ZNF91: variants seen among roughly 807,000 people sequenced by gnomAD.
ZNF91 encodes the protein zinc finger protein 91 (HPF7, HTF10).
In ZNF91, 7 loss-of-function variants were observed where a neutral mutation model predicts 12.6. The ratio of observed to expected loss-of-function variants is 0.55; its 90% CI spans 0.31 to 1.04. ZNF91 has a LOEUF of 1.04. ZNF91 is among the 50% of genes least tolerant of loss of function. The probability of loss-of-function intolerance (pLI) is 0.05; values close to 1 mark genes in which losing one functional copy is unlikely to be tolerated. For synonymous variants in ZNF91, 453 were observed against 462.6 expected (o/e 0.98, Z 0.27); for missense variants, 1,217 against 1,385.4 (o/e 0.88, Z 1.93).
Position 23,379,935 on chromosome 19 carries a change from C to T in ZNF91, c.31-5171G>A, listed in dbSNP as rs563823914. Among the ~76,000 whole-genome samples, 74 of 152,150 alleles carry T rather than the reference C, an allele frequency of 4.9e-4. No individual in the cohort carries two copies. The South Asian group carries it at 0.011, about 23-fold the overall frequency. On this transcript the variant is annotated intron_variant, in intron 1 of 3. Transcript: ENST00000300619. ...TCACATCTTAGATGAACGACAATTG[C>T]CACAGCAGCACTTTAGTGTCACATC...
intron 3 of ZNF91, among the ~76,000 whole-genome samples, chr19:23,305,487 G>A (rs1273767509): frequency 2.6e-5 from 4 of 152,126 alleles, no homozygotes; most frequent in Non-Finnish European, 1.5e-5. Context: ...CTCATTCTAG[G>A]TGATTTCAAT....
intron 1 of ZNF91, among the ~76,000 whole-genome samples, chr19:23,395,118 A>T (rs890621621): frequency 6.6e-6 from 1 of 152,158 alleles, no homozygotes; most frequent in African/African-American, 2.4e-5. Context: ...GTCACTGGGC[A>T]GGGAAGAGAC....
chr19:23,373,424 T>A (rs112902866), intron 3 of ZNF91, among the ~76,000 whole-genome samples: 109 of 146,224 alleles, frequency 7.5e-4, no homozygotes, highest in African/African-American at 2.5e-3. Flanking sequence ...AACTAATGAA[T>A]ACACTCAGTT....
chr19:23,342,923 T>TA (rs1436845746), intron 3 of ZNF91, among the ~76,000 whole-genome samples: 1 of 152,192 alleles, frequency 6.6e-6, no homozygotes, highest in Non-Finnish European at 1.5e-5. Context: ...CACACATATT[T>TA]AGCAAATGGC....
At chr19:23,334,358 T>A (rs1311693599), downstream of ZNF91, among the ~76,000 whole-genome samples, 3 of 152,198 alleles carry the variant, frequency 2.0e-5, no homozygotes, top group Non-Finnish European at 4.4e-5. Flanking sequence ...GGCTGTAATG[T>A]GAGCAGCTCT....
intron 1 of ZNF91, among the ~76,000 whole-genome samples, chr19:23,321,274 G>T (rs1227705585): frequency 6.6e-6 from 1 of 152,164 alleles, no homozygotes; most frequent in Non-Finnish European, 1.5e-5. Context: ...TCAAGCCTTG[G>T]TGCCTCTTAC....
intron 1 of ZNF91, among the ~76,000 whole-genome samples, chr19:23,387,191 TAACAGTGTAC>T (rs1423342787): frequency 6.6e-6 from 1 of 152,372 alleles, no homozygotes; most frequent in East Asian, 1.9e-4. Context: ...ACATTGCTGT[TAACAGTGTAC>T]ATTAATTCAA....
At chr19:23,333,297 A>G (rs191335176) in intron 1 of ZNF91, among the ~76,000 whole-genome samples, 163 of 152,332 alleles carry the variant, frequency 1.1e-3, no homozygotes, top group Middle Eastern at 3.4e-3. Context: ...GTTACTTTAC[A>G]TATTATAGAA....
rs770132509 is a variant in ZNF91 at position 23,361,992 on chromosome 19, T to A, written c.987A>T (p.Lys329Asn). The change falls in exon 4 of 4, where the codon AAA becomes AAT. Residue 329 changes from lysine (K) to asparagine (N), a missense_variant. By Grantham distance (94) the Lys-to-Asn change is moderately conservative. Around this residue, in one of 2 missense-constraint regions of ZNF91, gnomAD observed 726 missense variants for 895.5 expected, o/e 0.81. Coordinates refer to ENST00000300619, the MANE Select transcript of ZNF91 (RefSeq NM_003430.4). ...EKPYKCEECGKAFSRSSTLAK... is the reference protein window; with the variant it reads ...EKPYKCEECGNAFSRSSTLAK... ...CAAGGGTTGAAGAACGGCTAAAAGC[T>A]TTGCCACATTCTTCACATTTGTAGG... The A allele has an allele frequency of 2.5e-6, 4 of 1,613,664 alleles. No homozygotes were observed. In the South Asian group the frequency reaches 4.4e-5, roughly 18 times the overall value.
At chr19:23,366,276 G>A (rs560457420) in intron 3 of ZNF91, among the ~76,000 whole-genome samples, 30 of 151,974 alleles carry the variant, frequency 2.0e-4, no homozygotes, top group African/African-American at 5.3e-4. Context: ...CAGACGGGGC[G>A]GCTGGCCTGG....
At chr19:23,325,934 A>T (rs1967828477) in intron 1 of ZNF91, 1 of 152,188 alleles carries the variant, frequency 6.6e-6, no homozygotes, top group South Asian at 2.1e-4. Context: ...AGAAAAATCC[A>T]AACTCCTTCA....
chr19:23,365,571 C>CTTT (rs370180013), intron 3 of ZNF91, among the ~76,000 whole-genome samples: 1 of 145,520 alleles, frequency 6.9e-6, no homozygotes. Context: ...ATATAGAAGT[C>CTTT]TTTTTTTTTT....
In ZNF91 at chr19:23,361,647, G is replaced by C. The variant is rs1330908154; in HGVS notation, c.1332C>G (p.Asn444Lys). Residue 444 changes from asparagine to lysine, a missense_variant, in exon 4 of 4, where the codon AAC becomes AAG. Around this residue, in one of 2 missense-constraint regions of ZNF91, gnomAD observed 726 missense variants for 895.5 expected, o/e 0.81. Transcript: ENST00000300619. The stretch of plus-strand genomic sequence containing the variant: ...TATGTTTAGTAAGGCTTGAGGACCA[G>C]TTAAATGCTTTGCCACATTCTTCAC... ...YKCEECGKAFNWSSSLTKHKR... is the reference protein window; with the variant it reads ...YKCEECGKAFKWSSSLTKHKR... 6 of 1,608,966 alleles carry C rather than the reference G, an allele frequency of 3.7e-6. No homozygotes were observed. The highest frequency in any genetic ancestry group is 5.1e-6 in the Non-Finnish European group (6 of 1,178,494).
intron 1 of ZNF91, among the ~76,000 whole-genome samples, chr19:23,390,556 C>T (rs1023000755): frequency 6.6e-6 from 1 of 152,138 alleles, no homozygotes; most frequent in Non-Finnish European, 1.5e-5. Context: ...CGGGGTTTCA[C>T]CATGTTGGCC....
intron 3 of ZNF91, among the ~76,000 whole-genome samples, chr19:23,368,498 G>A (rs1334929177): frequency 6.8e-6 from 1 of 148,128 alleles, no homozygotes; most frequent in Non-Finnish European, 1.5e-5. Flanking sequence ...CTGGGTGACA[G>A]AGCGAAACTC....
At chr19:23,319,805 G>C (rs1355155593) in intron 1 of ZNF91, among the ~76,000 whole-genome samples, 1 of 152,200 alleles carries the variant, frequency 6.6e-6, no homozygotes, top group Admixed American at 6.5e-5. Context: ...CAATCCATGA[G>C]TGATTGTGAC....
chr19:23,335,758 AC>A (rs1967996513), downstream of ZNF91, among the ~76,000 whole-genome samples: 1 of 151,796 alleles, frequency 6.6e-6, no homozygotes, highest in Non-Finnish European at 1.5e-5. Context: ...GAATTCCCCG[AC>A]CCCTTGCGCT....
At chr19:23,323,757 ATTCTT>A (rs1490707134) in intron 1 of ZNF91, among the ~76,000 whole-genome samples, 22 of 126,562 alleles carry the variant, frequency 1.7e-4, no homozygotes, top group African/African-American at 7.0e-4. Flanking sequence ...TCTTTTTCTC[ATTCTT>A]TTCGTCTCCT....
intron 3 of ZNF91, among the ~76,000 whole-genome samples, chr19:23,369,540 C>T (rs1447731941): frequency 3.9e-5 from 6 of 152,140 alleles, no homozygotes; most frequent in Admixed American, 1.3e-4. Context: ...GCCATGATGA[C>T]GATGGCAGTT....
Sources: gnomAD v4.1 joint callset for allele counts (sites outside exome capture counted in the v4.1 genomes callset) on GRCh38, gnomAD v4.1.1 for gene constraint, gnomAD v4.1.1 regional missense constraint, MANE v1.5 for transcripts, NCBI Gene and HGNC (gene_info 2026-07-23, HGNC 2026-07-21) for gene names.